MFN1: variants seen among roughly 807,000 people sequenced by gnomAD.
MFN1 encodes the protein mitofusin 1, also known as mitofusin-1.
In MFN1, 65 loss-of-function variants were observed where a neutral mutation model predicts 92.4. That is an observed-to-expected ratio of 0.70 (90% CI 0.58 to 0.86). MFN1 has a LOEUF of 0.86. MFN1 is among the 40% of genes least tolerant of loss of function. The probability of loss-of-function intolerance (pLI) is 0.00; values close to 1 mark genes in which losing one functional copy is unlikely to be tolerated. For synonymous variants in MFN1, 297 were observed against 300.9 expected (o/e 0.99, Z 0.13); for missense variants, 781 against 868.0 (o/e 0.90, Z 1.26).
At position 179,378,702 on chromosome 3, in the gene MFN1, A is replaced by G; in HGVS notation, c.1550A>G (p.Gln517Arg). 6.2e-7 allele frequency: 1 copy of G among 1,613,908 alleles called. No homozygotes were observed. Among genetic ancestry groups the G allele is most frequent in the Non-Finnish European group, 8.5e-7 (1 of 1,179,798 alleles). Reference sequence around the variant, plus strand: ...TACCACAAGTTATGTTCAGATTTTCAAGAGGATATTGTATTTCGTTTTTCC... The same window carrying G: ...TACCACAAGTTATGTTCAGATTTTCGAGAGGATATTGTATTTCGTTTTTCC... ...LNYHKLCSDFQEDIVFRFSLG... is the reference protein window; with the variant it reads ...LNYHKLCSDFREDIVFRFSLG... The change falls in exon 14 of 18, where the codon CAA (glutamine) becomes CGA (arginine). Residue 517 changes from glutamine to arginine, a missense_variant. Physicochemically the swap from Gln to Arg is conservative, Grantham distance 43 (BLOSUM62 1). Transcript: ENST00000471841.
Position 179,367,457 on chromosome 3 carries a change from G to T in MFN1, c.772G>T (p.Glu258Ter), listed in dbSNP as rs1217925533. 6.2e-7 allele frequency: 1 copy of T among 1,612,128 alleles called. No individual in the cohort carries two copies. The highest frequency in any genetic ancestry group is 1.1e-5 in the South Asian group (1 of 90,940). ...TCTGTAGGTACGCAGACAGCACATG[G>T]AAAGATGCCTGCATTTCTTGGTGGA... is the stretch of plus-strand genomic sequence containing the variant. Reference protein sequence around the residue: ...YMEDVRRQHMERCLHFLVEEL... With the variant: ...YMEDVRRQHM Residue 258 changes from glutamate (E) to a stop codon, truncating the protein, a stop_gained, in exon 8 of 18, where the codon GAA becomes TAA. Coordinates refer to ENST00000471841, the MANE Select transcript of MFN1 (RefSeq NM_033540.3). LOFTEE classifies it high-confidence loss of function.
At chr3:179,351,262 G>A (rs934220166) in intron 2 of MFN1, among the ~76,000 whole-genome samples, 18 of 152,198 alleles carry the variant, frequency 1.2e-4, no homozygotes, top group African/African-American at 4.3e-4. Flanking sequence ...TGAGGGCTGG[G>A]ATGTGCGGTT....
rs756208774 is a variant in MFN1, at chr3:179,385,620, C to T, written c.1714C>T (p.Pro572Ser). The change falls in exon 15 of 18, where the codon CCA becomes TCA. Residue 572 changes from proline to serine, a missense_variant. Physicochemically the swap from Pro to Ser is moderately conservative, Grantham distance 74. Transcript: ENST00000471841. ...TPTAPTTPAT[P>S]DNASQEELMI... is the part of the protein sequence containing the mutation. Reference sequence around the variant, plus strand: ...CACTGCTCCTACCACTCCAGCAACGCCAGATAATGCATCACAGGAAGAACT... The same window carrying T: ...CACTGCTCCTACCACTCCAGCAACGTCAGATAATGCATCACAGGAAGAACT... The T allele has an allele frequency of 2.1e-5, 34 of 1,613,588 alleles. No individual in the cohort carries two copies. The highest frequency in any genetic ancestry group is 2.7e-5 in the Non-Finnish European group (32 of 1,179,920).
intron 2 of MFN1, among the ~76,000 whole-genome samples, 199 bp downstream of exon 2, chr3:179,349,162 A>G (rs1166708721): frequency 6.6e-6 from 1 of 152,244 alleles, no homozygotes; most frequent in East Asian, 1.9e-4. Context: ...ACTTTAGTAT[A>G]TTAATAGCTC....
intron 9 of MFN1, among the ~76,000 whole-genome samples, chr3:179,373,903 G>A (rs1008796472): frequency 1.3e-5 from 2 of 151,982 alleles, no homozygotes; most frequent in African/African-American, 4.8e-5. Context: ...TCAATCTCCT[G>A]ACCTCGTGAT....
intron 14 of MFN1, among the ~76,000 whole-genome samples, chr3:179,383,062 C>T (rs1560200138): frequency 6.6e-6 from 1 of 152,150 alleles, no homozygotes; most frequent in Non-Finnish European, 1.5e-5. Context: ...TGCAGAAGCT[C>T]TTTAGTTTAA....
At chr3:179,367,084 C>T (rs551559877) in intron 7 of MFN1, among the ~76,000 whole-genome samples, 116 of 152,328 alleles carry the variant, frequency 7.6e-4, no homozygotes, top group African/African-American at 2.7e-3. Flanking sequence ...CCTGCCACCA[C>T]ACCCAGCTAA....
At chr3:179,367,386 T>G in intron 7 of MFN1, 53 bp from the exon 8 acceptor site, 2 of 1,501,060 alleles carry the variant, frequency 1.3e-6, no homozygotes, top group Non-Finnish European at 9.0e-7. Flanking sequence ...TAGTCGTTGG[T>G]TATTATATTT....
chr3:179,352,127 A>T, intron 3 of MFN1, 92 bp downstream of exon 3: 1 of 1,334,400 alleles, frequency 7.5e-7, no homozygotes, highest in South Asian at 1.8e-5. Flanking sequence ...ATCCTCCCCC[A>T]GCCCCGCAAG....
At chr3:179,365,330 C>A in intron 7 of MFN1, 105 bp downstream of exon 7, 1 of 654,528 alleles carries the variant, frequency 1.5e-6, no homozygotes, top group Non-Finnish European at 2.4e-6. Context: ...AGAGCTATTC[C>A]ATGAAAAGAA....
At chr3:179,377,003 G>T (rs1373337635) in intron 10 of MFN1, 39 bp from the exon 11 acceptor site, 2 of 1,604,196 alleles carry the variant, frequency 1.2e-6, no homozygotes, top group Non-Finnish European at 1.7e-6. Flanking sequence ...TAGGACTTCA[G>T]ACTACCCTGA....
At chr3:179,354,486 G>A (rs1712272828) in intron 3 of MFN1, among the ~76,000 whole-genome samples, 1 of 152,186 alleles carries the variant, frequency 6.6e-6, no homozygotes, top group African/African-American at 2.4e-5. Flanking sequence ...TGAATTGAAT[G>A]AGAACAGGGG....
At chr3:179,384,694 A>C (rs1713602812) in intron 14 of MFN1, among the ~76,000 whole-genome samples, 1 of 152,132 alleles carries the variant, frequency 6.6e-6, no homozygotes, top group South Asian at 2.1e-4. Context: ...CACCACACCT[A>C]GCTAATTTAA....
Position 179,377,324 on chromosome 3 carries a change from C to G in MFN1, c.1225-20C>G. ...TAATCTTGTTTAATTATTTTAACTC[C>G]AAAATTTTCATATTTTCAGGTTTCA... is the stretch of plus-strand genomic sequence containing the variant. On this transcript the variant is annotated intron_variant, in intron 11 of 17. Coordinates refer to ENST00000471841, the MANE Select transcript of MFN1 (RefSeq NM_033540.3). The G allele has an allele frequency of 6.4e-7, 1 of 1,565,896 alleles. No homozygotes were observed. Among genetic ancestry groups the G allele is most frequent in the Non-Finnish European group, 8.7e-7 (1 of 1,155,432 alleles).
At chr3:179,385,462 G>T in intron 14 of MFN1, 107 bp from the exon 15 acceptor site, 4 of 946,740 alleles carry the variant, frequency 4.2e-6, no homozygotes, top group Non-Finnish European at 6.1e-6. Context: ...CATCATTTAG[G>T]GTAATTTTTC....
intron 16 of MFN1, among the ~76,000 whole-genome samples, chr3:179,389,213 AGG>A (rs1713807334): frequency 2.0e-5 from 3 of 152,242 alleles, no homozygotes; most frequent in Admixed American, 6.5e-5. Flanking sequence ...ATTTATATTA[AGG>A]ATGAGTTTTC....
chr3:179,376,441 A>G (rs961376056), intron 10 of MFN1, among the ~76,000 whole-genome samples: 1 of 152,246 alleles, frequency 6.6e-6, no homozygotes, highest in African/African-American at 2.4e-5. Flanking sequence ...TTGTATAATC[A>G]TAATGTCCTG....
At position 179,392,346 on chromosome 3, in the gene MFN1, A is replaced by G. The variant is rs1173808262; in HGVS notation, c.*287A>G. ...CTGAGGGGTGGGGCTGTGAGCTCTTAATTTGTTTTTGATTCTGAAAAACTC... is the reference window on the plus strand; with the variant it reads ...CTGAGGGGTGGGGCTGTGAGCTCTTGATTTGTTTTTGATTCTGAAAAACTC... On this transcript the variant is annotated 3_prime_UTR_variant, in exon 18 of 18. Transcript: ENST00000471841. 4.3e-6 allele frequency: 1 copy of G among 230,382 alleles called. No individual in the cohort carries two copies. Among genetic ancestry groups the G allele is most frequent in the East Asian group, 8.4e-5 (1 of 11,926 alleles). 14.3% of individuals were successfully genotyped at this position (230,382 alleles called of 1,614,324 possible). A position where few individuals can be genotyped will look rare whatever the true frequency, so the allele number is the denominator to read the frequency against.
intron 3 of MFN1, among the ~76,000 whole-genome samples, chr3:179,353,881 C>T (rs144411061): frequency 1.6e-4 from 24 of 152,312 alleles, no homozygotes; most frequent in African/African-American, 5.5e-4. Context: ...CGTCTAGTGC[C>T]TTCTCATTCT....
Sources: gnomAD v4.1 joint callset for allele counts (sites outside exome capture counted in the v4.1 genomes callset) on GRCh38, gnomAD v4.1.1 for gene constraint, MANE v1.5 for transcripts, NCBI Gene and HGNC (gene_info 2026-07-23, HGNC 2026-07-21) for gene names.